The following PCDH10 variants were observed in gnomAD, a reference collection of about 807,000 sequenced individuals.
PCDH10 encodes protocadherin-10.
Under a neutral mutation model 74.4 loss-of-function variants are expected in PCDH10, and 15 were observed. The observed-to-expected ratio is 0.20, with a 90% CI of 0.13 to 0.31. The LOEUF is 0.31. Ranked by LOEUF, PCDH10 falls within the 10% of genes least tolerant of loss-of-function variation. The pLI is 1.00. For synonymous variants in PCDH10, 619 were observed against 589.8 expected, an observed-to-expected ratio of 1.05 and a Z score of -0.72; for missense variants, 1,260 against 1,390.2, an observed-to-expected ratio of 0.91 and a Z score of 1.49.
intron 2 of PCDH10, among the ~76,000 whole-genome samples, chr4:133,204,676 G>T (rs996138929): frequency 6.6e-6 from 1 of 152,170 alleles, no homozygotes; most frequent in African/African-American, 2.4e-5. Flanking sequence ...TCCAAAAGCA[G>T]TGAATTAAAG....
At position 133,190,193 on chromosome 4, in the gene PCDH10, A is replaced by G; in HGVS notation, c.*33A>G. The G allele has an allele frequency of 6.2e-7, 1 of 1,600,140 alleles. No individual in the cohort carries two copies. Among genetic ancestry groups the G allele is most frequent in the Non-Finnish European group, 8.6e-7 (1 of 1,167,532 alleles). On this transcript the variant is annotated 3_prime_UTR_variant, in exon 5 of 5. Transcript: ENST00000264360. ...TACAGGACTTACCTGAAGCAGCATG[A>G]TTTGCACAAAGTCGACCAACAAAAG...
At chr4:133,166,545 A>T (rs1485764189) in intron 4 of PCDH10, among the ~76,000 whole-genome samples, 1 of 151,536 alleles carries the variant, frequency 6.6e-6, no homozygotes, top group Admixed American at 6.6e-5. Flanking sequence ...ATATAAAATG[A>T]ATATAAAGTC....
chr4:133,150,449 G>A lies in PCDH10; in HGVS notation c.309G>A (p.Leu103=), dbSNP rs1161435332. Reference sequence around the variant, plus strand: ...TGGAGGTCTTTCTGGAGAACCCCCTGGAGCTGTTCCAGGTGGAGATCGAGG... The same window carrying A: ...TGGAGGTCTTTCTGGAGAACCCCCTAGAGCTGTTCCAGGTGGAGATCGAGG... ...LHLEVFLENP[L]ELFQVEIEVL... is the part of the protein sequence containing the mutation. The change falls in exon 1 of 5, where the codon CTG becomes CTA. Residue 103 remains leucine (L), a synonymous_variant. Transcript: ENST00000264360. The A allele has an allele frequency of 1.2e-6, 2 of 1,613,998 alleles. No homozygotes were observed. The highest frequency in any genetic ancestry group is 1.7e-5 in the Admixed American group (1 of 60,006).
chr4:133,174,171 A>G (rs1727248927), intron 4 of PCDH10, among the ~76,000 whole-genome samples: 1 of 151,932 alleles, frequency 6.6e-6, no homozygotes, highest in Non-Finnish European at 1.5e-5. Flanking sequence ...ATAAAAATGA[A>G]ACACCTATTA....
chr4:133,204,468 G>A (rs775754775), intron 2 of PCDH10, among the ~76,000 whole-genome samples: 4 of 152,154 alleles, frequency 2.6e-5, no homozygotes, highest in Non-Finnish European at 5.9e-5. Context: ...TTATGGGCAG[G>A]AGACTCAGGG....
chr4:133,151,942 C>T lies in PCDH10; in HGVS notation c.1802C>T (p.Thr601Ile). 6.2e-7 allele frequency: 1 copy of T among 1,612,342 alleles called. No homozygotes were observed. Among genetic ancestry groups the T allele is most frequent in the East Asian group, 2.2e-5 (1 of 44,860 alleles). The change falls in exon 1 of 5, where the codon ACC (threonine) becomes ATC (isoleucine). Residue 601 changes from threonine (T) to isoleucine (I), a missense_variant. Transcript: ENST00000264360. ...TCGGCGGAGCCGGGTTACCTGCTCA[C>T]CCGCGTGGCCGCCGTGGACGCGGAC... The part of the protein sequence containing the change: ...PRSAEPGYLL[T>I]RVAAVDADDG...
intron 4 of PCDH10, among the ~76,000 whole-genome samples, chr4:133,170,351 A>G (rs1727178007): frequency 1.3e-5 from 2 of 152,034 alleles, no homozygotes; most frequent in African/African-American, 4.8e-5. Context: ...AAGTGTCTAT[A>G]TATATATACA....
At chr4:133,175,460 C>T (rs1363004422) in intron 4 of PCDH10, among the ~76,000 whole-genome samples, 1 of 152,022 alleles carries the variant, frequency 6.6e-6, no homozygotes, top group African/African-American at 2.4e-5. Context: ...TAGAAATGTT[C>T]TCGTGGCCTG....
At chr4:133,170,958 G>A (rs559711020) in intron 4 of PCDH10, among the ~76,000 whole-genome samples, 2 of 151,484 alleles carry the variant, frequency 1.3e-5, no homozygotes, top group Middle Eastern at 3.4e-3. Context: ...TTACAGGCAC[G>A]AACCACCTCG....
chr4:133,160,065 A>G (rs754427002), intron 3 of PCDH10, among the ~76,000 whole-genome samples: 10 of 152,020 alleles, frequency 6.6e-5, no homozygotes, highest in Non-Finnish European at 7.4e-5. Context: ...CTCAAACTAT[A>G]TAACTACATA....
intron 4 of PCDH10, among the ~76,000 whole-genome samples, chr4:133,169,316 A>G (rs1331129552): frequency 6.6e-6 from 1 of 151,760 alleles, no homozygotes; most frequent in Non-Finnish European, 1.5e-5. Context: ...TTGAGTTCAC[A>G]GATATATGGT....
chr4:133,178,535 CT>C (rs58977552), intron 4 of PCDH10, among the ~76,000 whole-genome samples: 33,070 of 146,302 alleles, frequency 0.23, 3,795 homozygotes, highest in African/African-American at 0.26. Flanking sequence ...CCGGCCTGGA[CT>C]TTTTTTTTTT....
At chr4:133,180,663 A>G (rs944712260) in intron 4 of PCDH10, among the ~76,000 whole-genome samples, 2 of 152,006 alleles carry the variant, frequency 1.3e-5, no homozygotes, top group African/African-American at 2.4e-5. Flanking sequence ...TTGATTAATT[A>G]AAATTTGAAC....
Position 133,192,066 on chromosome 4 carries a change from T to G in PCDH10, c.*1906T>G, listed in dbSNP as rs1428710981. 1 of 151,518 alleles carries G rather than the reference T, an allele frequency of 6.6e-6. No individual in the cohort carries two copies. Among genetic ancestry groups the G allele is most frequent in the Non-Finnish European group, 1.5e-5 (1 of 67,664 alleles). The allele number at this position is 151,518 out of a possible 1,614,324, so 9.4% of individuals were successfully genotyped here. Reference sequence around the variant, plus strand: ...CATTTGACTGTTATCAAATTAGATATTAATATATCATATTCCAATCAGTTC... The same window carrying G: ...CATTTGACTGTTATCAAATTAGATAGTAATATATCATATTCCAATCAGTTC... On this transcript the variant is annotated 3_prime_UTR_variant, in exon 5 of 5. Coordinates refer to ENST00000264360, the MANE Select transcript of PCDH10 (RefSeq NM_032961.3).
intron 4 of PCDH10, among the ~76,000 whole-genome samples, chr4:133,188,957 G>C (rs1727599245): frequency 6.6e-6 from 1 of 151,966 alleles, no homozygotes; most frequent in African/African-American, 2.4e-5. Context: ...TTACAGACGA[G>C]AGCCACCACA....
intron 4 of PCDH10, among the ~76,000 whole-genome samples, chr4:133,187,099 G>A (rs896036946): frequency 2.6e-5 from 4 of 152,092 alleles, no homozygotes; most frequent in Non-Finnish European, 4.4e-5. Flanking sequence ...TTTAGTAATA[G>A]TATAAACTAT....
chr4:133,150,955 T>C lies in PCDH10; in HGVS notation c.815T>C (p.Leu272Pro). 6.2e-7 allele frequency: 1 copy of C among 1,613,952 alleles called. No homozygotes were observed. Among genetic ancestry groups the C allele is most frequent in the African/African-American group, 1.3e-5 (1 of 75,064 alleles). The change falls in exon 1 of 5, where the codon CTC becomes CCC. Residue 272 changes from leucine (L) to proline (P), a missense_variant. Leu to Pro is a moderately conservative substitution (Grantham distance 98). This residue lies in a region of PCDH10 where 192 missense variants were observed against 161.2 expected (regional missense o/e 1.19). Coordinates refer to ENST00000264360, the MANE Select transcript of PCDH10 (RefSeq NM_032961.3). Reference sequence around the variant, plus strand: ...CCCCCAGGCACTCTCGTGATCCAGCTCAACGCCACCGACCCGGACGAGGGC... The same window carrying C: ...CCCCCAGGCACTCTCGTGATCCAGCCCAACGCCACCGACCCGGACGAGGGC... ...NSPPGTLVIQ[L>P]NATDPDEGQN...
chr4:133,207,247 C>A (rs4302476), intron 2 of PCDH10, among the ~76,000 whole-genome samples: 10 of 151,926 alleles, frequency 6.6e-5, no homozygotes, highest in East Asian at 1.9e-4. Flanking sequence ...ACTCAATATC[C>A]CTTTTTGGTC....
At chr4:133,205,385 C>T (rs1727981016) in intron 2 of PCDH10, among the ~76,000 whole-genome samples, 1 of 152,092 alleles carries the variant, frequency 6.6e-6, no homozygotes, top group Admixed American at 6.6e-5. Flanking sequence ...GGAAGTGGAC[C>T]ATTTTTGTAA....
Sources: gnomAD v4.1 joint callset for allele counts (sites outside exome capture counted in the v4.1 genomes callset) on GRCh38, gnomAD v4.1.1 for gene constraint, gnomAD v4.1.1 regional missense constraint, MANE v1.5 for transcripts, NCBI Gene and HGNC (gene_info 2026-07-23, HGNC 2026-07-21) for gene names.